PIWIL2: variants seen among roughly 807,000 people sequenced by gnomAD.
PIWIL2 encodes piwi like RNA-mediated gene silencing 2, also known as piwi-like protein 2.
A neutral mutation model predicts 116.5 loss-of-function variants in PIWIL2; 81 were observed. That is an observed-to-expected ratio of 0.70 (90% CI 0.58 to 0.84). The LOEUF is 0.84. Ranked by LOEUF, PIWIL2 falls within the 40% of genes least tolerant of loss-of-function variation. PIWIL2 has a pLI of 0.00. For missense variants in PIWIL2, 1,272 were observed against 1,212.3 expected, an observed-to-expected ratio of 1.05 and a Z score of -0.73; for synonymous variants, 489 against 429.5, an observed-to-expected ratio of 1.14 and a Z score of -1.71.
At chr8:22,338,044 A>G (rs1013639008) in intron 20 of PIWIL2, among the ~76,000 whole-genome samples, 1 of 152,130 alleles carries the variant, frequency 6.6e-6, no homozygotes, top group Non-Finnish European at 1.5e-5. Context: ...CAGTGAGCCA[A>G]GATCATGCCA....
At chr8:22,327,537 T>G (rs1422850223) in intron 20 of PIWIL2, among the ~76,000 whole-genome samples, 1 of 151,406 alleles carries the variant, frequency 6.6e-6, no homozygotes, top group Non-Finnish European at 1.5e-5. Context: ...CCAGCTAATT[T>G]TGTATTTTTA....
At chr8:22,324,957 T>C (rs1371480266) in intron 20 of PIWIL2, among the ~76,000 whole-genome samples, 2 of 152,150 alleles carry the variant, frequency 1.3e-5, no homozygotes, top group Non-Finnish European at 2.9e-5. Context: ...TGTAAACACC[T>C]TGATTTTGAA....
intron 20 of PIWIL2, among the ~76,000 whole-genome samples, chr8:22,348,310 A>C (rs1563431349): frequency 6.6e-6 from 1 of 152,028 alleles, no homozygotes. Flanking sequence ...AAAAATAATA[A>C]TGTTTTAATT....
chr8:22,352,893 C>G, intron 20 of PIWIL2, 66 bp from the exon 21 acceptor site: 2 of 1,511,050 alleles, frequency 1.3e-6, no homozygotes, highest in East Asian at 2.3e-5. Flanking sequence ...GCGAGTGGGC[C>G]TCTCACTGAC....
chr8:22,292,613 G>A (rs1830791493), intron 10 of PIWIL2, among the ~76,000 whole-genome samples: 1 of 152,238 alleles, frequency 6.6e-6, no homozygotes. Context: ...GCTTAGCACT[G>A]TCAAAGGACA....
At chr8:22,343,694 A>G (rs1299349802) in intron 20 of PIWIL2, among the ~76,000 whole-genome samples, 1 of 152,234 alleles carries the variant, frequency 6.6e-6, no homozygotes, top group Non-Finnish European at 1.5e-5. Flanking sequence ...ATCAGATACC[A>G]CTACACACCT....
intron 14 of PIWIL2, among the ~76,000 whole-genome samples, chr8:22,308,816 T>C (rs1442333301): frequency 6.6e-6 from 1 of 152,118 alleles, no homozygotes; most frequent in Non-Finnish European, 1.5e-5. Flanking sequence ...GCCTGGCTAA[T>C]TTTTGTATTT....
intron 21 of PIWIL2, among the ~76,000 whole-genome samples, chr8:22,354,069 C>T: frequency 6.6e-6 from 1 of 152,106 alleles, no homozygotes; most frequent in Non-Finnish European, 1.5e-5. Context: ...AGTCACTGCA[C>T]CCAGCCTGTT....
chr8:22,322,556 T>G (rs954063382), intron 20 of PIWIL2, among the ~76,000 whole-genome samples: 2 of 152,106 alleles, frequency 1.3e-5, no homozygotes, highest in Non-Finnish European at 2.9e-5. Flanking sequence ...TGTGAGCCAC[T>G]GAGCCCAGCT....
chr8:22,342,674 CAT>C (rs772366551), intron 20 of PIWIL2, among the ~76,000 whole-genome samples: 1 of 152,062 alleles, frequency 6.6e-6, no homozygotes, highest in Non-Finnish European at 1.5e-5. Context: ...CAGAAGATAA[CAT>C]AGAAAATCTA....
In PIWIL2 at chr8:22,281,195, A is replaced by G. The variant is rs199941817; in HGVS notation, c.274A>G (p.Met92Val). 246 of 1,610,942 alleles carry G rather than the reference A, an allele frequency of 1.5e-4. No individual in the cohort carries two copies. Among genetic ancestry groups the G allele is most frequent in the Non-Finnish European group, 2.0e-4 (238 of 1,178,208 alleles). The change falls in exon 3 of 23, where the codon ATG becomes GTG. Residue 92 changes from methionine (M) to valine (V), a missense_variant. Coordinates refer to ENST00000356766, the MANE Select transcript of PIWIL2 (RefSeq NM_018068.5). ...TTCTAAGACCCCTCTGAAACGGGAA[A>G]TGCTTCCATCAGGTATGTGGAAAAC... ...TVSKTPLKRE[M>V]LPSGRGILGR...
At position 22,335,411 on chromosome 8, in the gene PIWIL2, G is replaced by C. The variant is rs1173780716; in HGVS notation, c.2403+17136G>C. 1.0e-4 allele frequency among the ~76,000 whole-genome samples: 5 copies of C among 47,844 alleles called. No homozygotes were observed. The East Asian group carries it at 2.1e-3, about 20-fold the overall frequency. The allele number at this position is 47,844 out of a possible 152,430, so 31.4% of individuals were successfully genotyped here. ...GACAGGATCTCTGTTGCTCATGCTA[G>C]AGTGCAGTGGTGTGATCATACATAG... On this transcript the variant is annotated intron_variant, in intron 20 of 22. Transcript: ENST00000356766.
intron 20 of PIWIL2, among the ~76,000 whole-genome samples, chr8:22,320,259 C>CATTTT (rs1554502950): frequency 1.1e-5 from 1 of 89,602 alleles, no homozygotes; most frequent in African/African-American, 3.7e-5. Context: ...CTGCGCCCGG[C>CATTTT]TTTTTTTTTT....
In PIWIL2 at chr8:22,283,112, C is replaced by T. The variant is rs1172276639; in HGVS notation, c.504C>T (p.Asp168=). 6.2e-7 allele frequency: 1 copy of T among 1,614,110 alleles called. No homozygotes were observed. The highest frequency in any genetic ancestry group is 1.1e-5 in the South Asian group (1 of 91,076). ...CAGGTGGTATCAGCAGAGAAGTGGA[C>T]AAGCCTCCCTGTACCTTCAGCACAC... ...RAAGGISREV[D]KPPCTFSTPS... The change falls in exon 5 of 23, where the codon GAC becomes GAT. Residue 168 remains aspartate (D), a synonymous_variant. Transcript: ENST00000356766.
At chr8:22,329,457 A>G (rs1831807930) in intron 20 of PIWIL2, among the ~76,000 whole-genome samples, 2 of 152,232 alleles carry the variant, frequency 1.3e-5, no homozygotes, top group South Asian at 4.1e-4. Context: ...ACATGGTGAA[A>G]GCAGGAGTAA....
chr8:22,304,929 T>C, intron 12 of PIWIL2, 61 bp downstream of exon 12: 1 of 1,139,430 alleles, frequency 8.8e-7, no homozygotes, highest in South Asian at 1.2e-5. Flanking sequence ...CAGCTGCTTT[T>C]AGCCGTCCTC....
chr8:22,345,432 G>GTGA (rs779063864), intron 20 of PIWIL2, among the ~76,000 whole-genome samples: 195 of 152,010 alleles, frequency 1.3e-3, no homozygotes, highest in Non-Finnish European at 2.0e-3. Flanking sequence ...AGGCTGAGGC[G>GTGA]GGCGGATCAC....
chr8:22,338,822 A>AT lies in PIWIL2; in HGVS notation c.2404-14128dup, dbSNP rs559994333. Among the ~76,000 whole-genome samples the AT allele has an allele frequency of 7.8e-3, 1,176 of 151,556 alleles. 15 individuals are homozygous for AT. The highest frequency in any genetic ancestry group is 0.025 in the African/African-American group (1,045 of 41,388). ...TAACAAGATCCATTGCAAAAGTAAC[A>AT]TTTTTTTTTGCAGGAGTGGATAAGC... On this transcript the variant is annotated intron_variant, in intron 20 of 22. Coordinates refer to ENST00000356766, the MANE Select transcript of PIWIL2 (RefSeq NM_018068.5).
intron 6 of PIWIL2, 143 bp downstream of exon 6, chr8:22,284,415 A>C (rs1456816485): frequency 2.1e-6 from 1 of 482,164 alleles, no homozygotes. Context: ...CCTTACAGGA[A>C]GTTTAAGGTT....
Sources: gnomAD v4.1 joint callset for allele counts (sites outside exome capture counted in the v4.1 genomes callset) on GRCh38, gnomAD v4.1.1 for gene constraint, MANE v1.5 for transcripts, NCBI Gene and HGNC (gene_info 2026-07-23, HGNC 2026-07-21) for gene names.